The following NALF1 variants were observed in gnomAD, a reference collection of about 807,000 sequenced individuals.
NALF1 encodes the protein family with sequence similarity 155 member A.
A neutral mutation model predicts 48.4 loss-of-function variants in NALF1; 3 were observed. The ratio of observed to expected loss-of-function variants is 0.06; its 90% CI spans 0.03 to 0.16. NALF1 has a LOEUF of 0.16. NALF1 is among the 10% of genes least tolerant of loss of function. The pLI, the probability that NALF1 is intolerant of heterozygous loss-of-function variation, is 1.00. For synonymous variants in NALF1, 262 were observed against 245.7 expected, an observed-to-expected ratio of 1.07 and a Z score of -0.62; for missense variants, 526 against 571.5, an observed-to-expected ratio of 0.92 and a Z score of 0.81.
chr13:107,606,531 A>G (rs1468632701), intron 1 of NALF1, among the ~76,000 whole-genome samples: 1 of 151,930 alleles, frequency 6.6e-6, no homozygotes, highest in Non-Finnish European at 1.5e-5. Flanking sequence ...GTGCCCAGCT[A>G]ATTTTTGTAT....
At chr13:107,692,454 A>G (rs912185975) in intron 1 of NALF1, among the ~76,000 whole-genome samples, 11 of 152,172 alleles carry the variant, frequency 7.2e-5, no homozygotes, top group Admixed American at 3.9e-4. Context: ...TTCATTTAAA[A>G]CCTCAATTTT....
intron 1 of NALF1, among the ~76,000 whole-genome samples, chr13:107,446,665 C>G (rs974561587): frequency 2.6e-5 from 4 of 152,044 alleles, no homozygotes; most frequent in African/African-American, 9.7e-5. Context: ...GTGGTGACTC[C>G]TAACACTTTC....
At chr13:107,560,485 G>T (rs1159265024) in intron 1 of NALF1, among the ~76,000 whole-genome samples, 1 of 150,946 alleles carries the variant, frequency 6.6e-6, no homozygotes, top group African/African-American at 2.4e-5. Flanking sequence ...ATATTTTATG[G>T]TTTCTTTCAG....
intron 1 of NALF1, among the ~76,000 whole-genome samples, chr13:107,819,265 G>A (rs7987201): frequency 0.31 from 46,779 of 152,046 alleles, 9,982 homozygotes; most frequent in African/African-American, 0.59. Context: ...AGGGTGTAAT[G>A]TTTACCCTGG....
chr13:107,780,074 C>A (rs569326109), intron 1 of NALF1, among the ~76,000 whole-genome samples: 1 of 145,340 alleles, frequency 6.9e-6, no homozygotes. Context: ...ATTGCTACTG[C>A]GGTTTTGTTG....
At chr13:107,790,697 T>C (rs1239082853) in intron 1 of NALF1, among the ~76,000 whole-genome samples, 1 of 152,204 alleles carries the variant, frequency 6.6e-6, no homozygotes, top group African/African-American at 2.4e-5. Context: ...TGTTTCACCA[T>C]GTTCATAGTT....
chr13:107,559,977 G>A (rs1257536421), intron 1 of NALF1, among the ~76,000 whole-genome samples: 1 of 151,582 alleles, frequency 6.6e-6, no homozygotes, highest in Non-Finnish European at 1.5e-5. Flanking sequence ...GGTAGCCCAA[G>A]GAAGGAGGCG....
chr13:107,504,754 C>G, intron 1 of NALF1, among the ~76,000 whole-genome samples: 1 of 152,176 alleles, frequency 6.6e-6, no homozygotes, highest in Non-Finnish European at 1.5e-5. Context: ...TATTCTGTCT[C>G]CAGTTGCCAT....
intron 1 of NALF1, among the ~76,000 whole-genome samples, chr13:107,553,170 G>A (rs538564887): frequency 1.3e-5 from 2 of 152,264 alleles, no homozygotes; most frequent in East Asian, 3.9e-4. Flanking sequence ...TTAAAGATAA[G>A]TGGTGTTTCC....
intron 1 of NALF1, among the ~76,000 whole-genome samples, chr13:107,377,854 G>T (rs529502359): frequency 6.6e-6 from 1 of 152,196 alleles, no homozygotes; most frequent in East Asian, 1.9e-4. Context: ...AATAATAAAG[G>T]TTTGGATGAG....
chr13:107,513,998 G>A (rs1327455483), intron 1 of NALF1, among the ~76,000 whole-genome samples: 2 of 152,188 alleles, frequency 1.3e-5, no homozygotes, highest in East Asian at 1.9e-4. Flanking sequence ...ACATGGACAA[G>A]CTTTGCTAAG....
At chr13:107,814,799 G>T (rs1462122371) in intron 1 of NALF1, among the ~76,000 whole-genome samples, 2 of 151,996 alleles carry the variant, frequency 1.3e-5, no homozygotes, top group Non-Finnish European at 2.9e-5. Flanking sequence ...AGGGAAATGG[G>T]GGACCTGAAC....
chr13:107,180,888 G>C (rs1879046552), intron 2 of NALF1, among the ~76,000 whole-genome samples: 1 of 151,622 alleles, frequency 6.6e-6, no homozygotes, highest in African/African-American at 2.4e-5. Flanking sequence ...TTTCCTAAAG[G>C]TAATTTTCAA....
intron 1 of NALF1, among the ~76,000 whole-genome samples, chr13:107,310,645 CT>C (rs1266754953): frequency 6.6e-6 from 1 of 151,844 alleles, no homozygotes; most frequent in Non-Finnish European, 1.5e-5. Context: ...ATATCAACCA[CT>C]TTATCATAAA....
chr13:107,745,503 T>A (rs1284570426), intron 1 of NALF1, among the ~76,000 whole-genome samples: 2 of 152,224 alleles, frequency 1.3e-5, no homozygotes, highest in Non-Finnish European at 2.9e-5. Flanking sequence ...CACTCACTCT[T>A]TTTTATTTCA....
chr13:107,439,498 A>G (rs144423675), intron 1 of NALF1, among the ~76,000 whole-genome samples: 6 of 152,304 alleles, frequency 3.9e-5, no homozygotes, highest in African/African-American at 1.4e-4. Flanking sequence ...TTTCCCAGCT[A>G]TCTTAAAAAT....
At chr13:107,511,880 T>C (rs79339075) in intron 1 of NALF1, among the ~76,000 whole-genome samples, 8,559 of 152,204 alleles carry the variant, frequency 0.056, 280 homozygotes, top group African/African-American at 0.062. Flanking sequence ...AATGGCTTCA[T>C]TGTTGAAAAG....
intron 1 of NALF1, among the ~76,000 whole-genome samples, chr13:107,427,268 T>C (rs1157541466): frequency 1.3e-5 from 2 of 151,826 alleles, no homozygotes; most frequent in Non-Finnish European, 2.9e-5. Context: ...CCATTGTTTC[T>C]TAGAATAATC....
intron 1 of NALF1, among the ~76,000 whole-genome samples, chr13:107,528,915 A>G (rs1302362345): frequency 2.0e-5 from 3 of 152,146 alleles, no homozygotes; most frequent in Non-Finnish European, 4.4e-5. Flanking sequence ...ATAAACAGAA[A>G]AGGACACAAT....
Sources: gnomAD v4.1 joint callset for allele counts (sites outside exome capture counted in the v4.1 genomes callset) on GRCh38, gnomAD v4.1.1 for gene constraint, MANE v1.5 for transcripts, NCBI Gene and HGNC (gene_info 2026-07-23, HGNC 2026-07-21) for gene names.